FAM227B: variants seen among roughly 807,000 people sequenced by gnomAD.
The protein encoded by FAM227B is protein FAM227B.
In FAM227B, 88 loss-of-function variants were observed where a neutral mutation model predicts 73.8. That is an observed-to-expected ratio of 1.19 (90% CI 1.00 to 1.42). FAM227B has a LOEUF of 1.42. FAM227B is among the 40% of genes most tolerant of loss of function. The probability of loss-of-function intolerance (pLI) is 0.00; values close to 1 mark genes in which losing one functional copy is unlikely to be tolerated. For missense variants in FAM227B, 632 were observed against 590.9 expected (o/e 1.07, Z -0.72); for synonymous variants, 210 against 190.5 (o/e 1.10, Z -0.84).
intron 13 of FAM227B, among the ~76,000 whole-genome samples, chr15:49,348,641 C>T (rs1381621195): frequency 6.6e-6 from 1 of 152,146 alleles, no homozygotes; most frequent in Non-Finnish European, 1.5e-5. Flanking sequence ...TTTACTTTCT[C>T]CTTTGTCTGC....
Position 49,615,233 on chromosome 15 carries a change from G to A in FAM227B, c.-62C>T. The A allele has an allele frequency of 6.7e-7, 1 of 1,482,148 alleles. No individual in the cohort carries two copies. The highest frequency in any genetic ancestry group is 9.4e-7 in the Non-Finnish European group (1 of 1,060,040). 91.8% of individuals were successfully genotyped at this position (1,482,148 alleles called of 1,614,324 possible). On this transcript the variant is annotated 5_prime_UTR_variant, in exon 2 of 16. Transcript: ENST00000299338. Reference sequence around the variant, plus strand: ...TGGGTCTTAGGCTTCAATGTGAGTTGGGCGACCAAACTGGGGTATGAAAGA... The same window carrying A: ...TGGGTCTTAGGCTTCAATGTGAGTTAGGCGACCAAACTGGGGTATGAAAGA...
intron 11 of FAM227B, among the ~76,000 whole-genome samples, chr15:49,507,712 T>C (rs1003248900): frequency 1.3e-5 from 2 of 151,932 alleles, no homozygotes; most frequent in Non-Finnish European, 2.9e-5. Flanking sequence ...GACTATTTAA[T>C]AAACGGATCA....
intron 11 of FAM227B, among the ~76,000 whole-genome samples, chr15:49,491,103 T>C (rs896209467): frequency 5.3e-5 from 8 of 151,922 alleles, no homozygotes; most frequent in African/African-American, 1.4e-4. Flanking sequence ...CTCCTTCCCT[T>C]TGACTCTGTG....
At chr15:49,382,629 T>A (rs56875838) in intron 11 of FAM227B, among the ~76,000 whole-genome samples, 12,628 of 152,072 alleles carry the variant, frequency 0.083, 1,557 homozygotes, top group African/African-American at 0.27. Context: ...GGGCCAGGAA[T>A]CATTCTCAAA....
chr15:49,365,433 G>A, intron 13 of FAM227B: 1 of 948,092 alleles, frequency 1.1e-6, no homozygotes, highest in Non-Finnish European at 1.7e-6. Context: ...GCAAGCAACA[G>A]GCCTGTACAA....
chr15:49,546,354 A>G (rs1459723281), intron 9 of FAM227B, among the ~76,000 whole-genome samples: 4 of 152,064 alleles, frequency 2.6e-5, no homozygotes, highest in African/African-American at 9.7e-5. Flanking sequence ...AATCCAGTCT[A>G]TCGTTGTTGG....
intron 9 of FAM227B, among the ~76,000 whole-genome samples, chr15:49,546,618 CTGT>C (rs2071933024): frequency 6.6e-6 from 1 of 152,200 alleles, no homozygotes; most frequent in South Asian, 2.1e-4. Context: ...TCTCCAGCAC[CTGT>C]TGTTTCCTAA....
chr15:49,550,069 C>T (rs1338621000), intron 9 of FAM227B, among the ~76,000 whole-genome samples: 1 of 131,244 alleles, frequency 7.6e-6, no homozygotes, highest in Admixed American at 7.5e-5. Flanking sequence ...GCTGATCCCC[C>T]CACCTCCCTC....
At chr15:49,447,153 T>C (rs2413945) in intron 11 of FAM227B, among the ~76,000 whole-genome samples, 140,377 of 151,598 alleles carry the variant, frequency 0.93, 65,979 homozygotes, top group East Asian at 1. Flanking sequence ...AAAAAGTATT[T>C]CTTGTAATAA....
chr15:49,448,761 G>A lies in FAM227B; in HGVS notation c.1012+59450C>T, dbSNP rs574840444. On this transcript the variant is annotated intron_variant, in intron 11 of 15. Transcript: ENST00000299338. ...GTCACACTCTGATAAGATAAGGAAG[G>A]CTCCCCCAAATACCCAGTAGTCTAA... Among the ~76,000 whole-genome samples the A allele has an allele frequency of 9.0e-4, 137 of 151,556 alleles. 5 individuals carry two copies. In the South Asian group the frequency reaches 0.028, roughly 30 times the overall value.
chr15:49,358,104 A>G (rs2043496877), intron 13 of FAM227B, among the ~76,000 whole-genome samples: 2 of 151,920 alleles, frequency 1.3e-5, no homozygotes. Context: ...AATAAGAGCT[A>G]TCTATGACAA....
At chr15:49,442,896 G>C (rs539301230) in intron 11 of FAM227B, among the ~76,000 whole-genome samples, 1 of 151,676 alleles carries the variant, frequency 6.6e-6, no homozygotes, top group Admixed American at 6.6e-5. Context: ...TAATGATTAG[G>C]TTGATTAGGA....
chr15:49,494,256 A>G (rs200751799), intron 11 of FAM227B, among the ~76,000 whole-genome samples: 5 of 140,712 alleles, frequency 3.6e-5, no homozygotes, highest in African/African-American at 1.3e-4. Context: ...GAGACACACA[A>G]ACACACACAC....
chr15:49,381,185 C>T (rs2046510406), intron 11 of FAM227B, among the ~76,000 whole-genome samples: 1 of 152,134 alleles, frequency 6.6e-6, no homozygotes, highest in African/African-American at 2.4e-5. Context: ...GATCTGCCCC[C>T]GCCTCCTGGT....
intron 11 of FAM227B, among the ~76,000 whole-genome samples, chr15:49,439,094 A>C (rs1160892139): frequency 6.6e-6 from 1 of 151,638 alleles, no homozygotes; most frequent in Non-Finnish European, 1.5e-5. Context: ...AAGTCTTCTT[A>C]TGTCTTGACT....
intron 10 of FAM227B, among the ~76,000 whole-genome samples, chr15:49,520,124 C>A (rs903568219): frequency 5.9e-5 from 9 of 152,152 alleles, no homozygotes; most frequent in African/African-American, 2.2e-4. Context: ...AGTCTCTTTG[C>A]TAAAGAGTAG....
intron 11 of FAM227B, among the ~76,000 whole-genome samples, chr15:49,498,258 C>T (rs2057799412): frequency 6.6e-6 from 1 of 152,172 alleles, no homozygotes; most frequent in Admixed American, 6.5e-5. Flanking sequence ...TAGTCTAGCA[C>T]TGATCAGTTA....
intron 8 of FAM227B, among the ~76,000 whole-genome samples, chr15:49,568,993 T>A (rs996106042): frequency 2.6e-5 from 4 of 151,964 alleles, no homozygotes; most frequent in Admixed American, 2.6e-4. Flanking sequence ...AATTCCCCAG[T>A]GACGCCATCT....
chr15:49,377,918 T>C (rs1489904491), intron 11 of FAM227B, among the ~76,000 whole-genome samples: 2 of 152,096 alleles, frequency 1.3e-5, no homozygotes, highest in Non-Finnish European at 2.9e-5. Flanking sequence ...GGGGTGTTGC[T>C]CAAAAAAATG....
Sources: allele counts gnomAD v4.1 joint callset (sites outside exome capture counted in the v4.1 genomes callset), GRCh38; gene constraint gnomAD v4.1.1; transcripts MANE v1.5; gene names NCBI Gene and HGNC (gene_info 2026-07-23, HGNC 2026-07-21).